SRP19: variants seen among roughly 807,000 people sequenced by gnomAD.
SRP19 encodes signal recognition particle 19 kDa protein.
A neutral mutation model predicts 22.4 loss-of-function variants in SRP19; 11 were observed. That is an observed-to-expected ratio of 0.49 (90% CI 0.31 to 0.81). The LOEUF (loss-of-function observed/expected upper bound fraction) is 0.81, where lower values mean the gene tolerates loss of function less well. Ranked by LOEUF, SRP19 falls within the 40% of genes least tolerant of loss-of-function variation. The pLI is 0.05. For synonymous variants in SRP19, 61 were observed against 57.6 expected (o/e 1.06, Z -0.27); for missense variants, 168 against 175.9 (o/e 0.96, Z 0.25).
chr5:112,864,972 A>C (rs1330193628), intron 4 of SRP19: 1 of 334,974 alleles, frequency 3.0e-6, no homozygotes. Flanking sequence ...TGAACATTTT[A>C]TAAACCTCTG....
intron 4 of SRP19, among the ~76,000 whole-genome samples, chr5:112,879,236 C>G (rs931294599): frequency 1.4e-5 from 2 of 146,506 alleles, no homozygotes; most frequent in African/African-American, 2.5e-5. Flanking sequence ...CTGATGACAA[C>G]TAGGTCATCA....
chr5:112,889,492 T>G (rs1247260523), intron 4 of SRP19, among the ~76,000 whole-genome samples: 2 of 150,894 alleles, frequency 1.3e-5, no homozygotes, highest in Non-Finnish European at 2.9e-5. Context: ...ATATTAAAAT[T>G]CCTGAACTTG....
At chr5:112,877,883 T>G (rs997927564) in intron 4 of SRP19, 1 of 152,220 alleles carries the variant, frequency 6.6e-6, no homozygotes, top group Non-Finnish European at 1.5e-5. Flanking sequence ...CAGAAATGGT[T>G]TCCATTGTAG....
At chr5:112,889,575 A>T (rs1768368653) in intron 4 of SRP19, among the ~76,000 whole-genome samples, 1 of 150,680 alleles carries the variant, frequency 6.6e-6, no homozygotes, top group Non-Finnish European at 1.5e-5. Context: ...TTATAATTAT[A>T]TATTTATATA....
rs1445658302 is a variant in SRP19, at chr5:112,892,245, T to C, written c.*638T>C. On this transcript the variant is annotated 3_prime_UTR_variant, in exon 5 of 5. Transcript: ENST00000391338. ...GTAAACATAATTTCCCAACATCTAG[T>C]CCTACCCTTCTTATTAAGAGCATGT... The C allele has an allele frequency of 6.2e-6, 10 of 1,613,996 alleles. No individual in the cohort carries two copies. The South Asian group carries it at 1.1e-4, about 18-fold the overall frequency.
At chr5:112,876,332 A>G (rs1391440819) in intron 4 of SRP19, 1 of 152,228 alleles carries the variant, frequency 6.6e-6, no homozygotes, top group Non-Finnish European at 1.5e-5. Context: ...AACTTTCCTT[A>G]AATAATTCTG....
chr5:112,892,040 A>C (rs1336187035), exon 5 of SRP19: 1 of 1,465,428 alleles, frequency 6.8e-7, no homozygotes, highest in Non-Finnish European at 9.6e-7. Flanking sequence ...CAACAGGAGA[A>C]GAAAGAAAAA....
downstream of SRP19, chr5:112,894,780 T>C (rs1768627678): frequency 6.6e-6 from 1 of 152,246 alleles, no homozygotes; most frequent in South Asian, 2.1e-4. Context: ...ATGTAATACA[T>C]TAAAATTTTT....
chr5:112,891,961 C>A, exon 5 of SRP19: 1 of 1,243,602 alleles, frequency 8.0e-7, no homozygotes. Context: ...GCTAGAAGAA[C>A]AAGAGAGAAA....
chr5:112,894,632 A>G (rs936676431), downstream of SRP19: 5 of 152,222 alleles, frequency 3.3e-5, no homozygotes, highest in East Asian at 7.7e-4. Flanking sequence ...ACACAGAGCA[A>G]TTGTTACTTA....
intron 4 of SRP19, among the ~76,000 whole-genome samples, chr5:112,881,128 C>CAAA (rs58737941): frequency 0.046 from 3,060 of 66,964 alleles, 450 homozygotes; most frequent in African/African-American, 0.13. Flanking sequence ...GACTCTGTTT[C>CAAA]AAAAAAAAAA....
exon 5 of SRP19, chr5:112,892,738 G>C (rs560977214): frequency 7.5e-5 from 121 of 1,613,910 alleles, no homozygotes; most frequent in South Asian, 9.9e-5. Flanking sequence ...CAAGAACTCC[G>C]AGAGGAGGGA....
In SRP19 at chr5:112,867,620, C is replaced by G; in HGVS notation, c.*83C>G. 7.1e-7 allele frequency: 1 copy of G among 1,413,858 alleles called. No individual in the cohort carries two copies. Among genetic ancestry groups the G allele is most frequent in the Non-Finnish European group, 9.3e-7 (1 of 1,078,966 alleles). 87.6% of individuals were successfully genotyped at this position (1,413,858 alleles called of 1,614,324 possible). On this transcript the variant is annotated 3_prime_UTR_variant, in exon 5 of 5. Transcript: ENST00000505459. ...AATTTGTATCGGAGGGAAACAGAAGCTTTTTGTTTGCATCATTTAACTGAA... is the reference window on the plus strand; with the variant it reads ...AATTTGTATCGGAGGGAAACAGAAGGTTTTTGTTTGCATCATTTAACTGAA...
At chr5:112,892,784 A>T in exon 5 of SRP19, 1 of 1,614,074 alleles carries the variant, frequency 6.2e-7, no homozygotes, top group South Asian at 1.1e-5. Flanking sequence ...TACAGCAGGC[A>T]GCGGGGAAGG....
At chr5:112,881,425 C>A (rs1214287628) in intron 4 of SRP19, among the ~76,000 whole-genome samples, 1 of 152,180 alleles carries the variant, frequency 6.6e-6, no homozygotes, top group East Asian at 1.9e-4. Flanking sequence ...TTTCTAAAAT[C>A]TGAGTCCCTC....
At chr5:112,882,538 T>C (rs1768112621) in intron 4 of SRP19, among the ~76,000 whole-genome samples, 2 of 152,154 alleles carry the variant, frequency 1.3e-5, no homozygotes, top group Admixed American at 1.3e-4. Context: ...GAGAAAAACA[T>C]AAACAAGAAC....
Position 112,861,323 on chromosome 5 carries a change from G to T in SRP19, c.-54G>T. 6 of 1,609,728 alleles carry T rather than the reference G, an allele frequency of 3.7e-6. No homozygotes were observed. The highest frequency in any genetic ancestry group is 5.1e-6 in the Non-Finnish European group (6 of 1,176,266). On this transcript the variant is annotated 5_prime_UTR_variant, in exon 1 of 5. Coordinates refer to ENST00000505459, the MANE Select transcript of SRP19 (RefSeq NM_003135.3). ...GAAACTCAGAGCCGGGTTCCTCCCG[G>T]GTTTCTGCCGGGTTTCTCCCTGCGG...
chr5:112,866,716 C>T (rs1264580117), intron 4 of SRP19, among the ~76,000 whole-genome samples: 1 of 152,196 alleles, frequency 6.6e-6, no homozygotes, highest in African/African-American at 2.4e-5. Context: ...GGAGTGACAT[C>T]ATATTCTGAT....
downstream of SRP19, chr5:112,894,124 G>GA (rs1265598662): frequency 7.1e-6 from 1 of 141,750 alleles, no homozygotes. Flanking sequence ...GGTTTTTTTT[G>GA]TTTTTTTTTT....
Sources: gnomAD v4.1 joint callset for allele counts (sites outside exome capture counted in the v4.1 genomes callset) on GRCh38, gnomAD v4.1.1 for gene constraint, MANE v1.5 for transcripts, NCBI Gene and HGNC (gene_info 2026-07-23, HGNC 2026-07-21) for gene names.